The following RHOA variants were observed in gnomAD, a reference collection of about 807,000 sequenced individuals.
The protein encoded by RHOA is ras homolog family member A, also known as transforming protein RhoA.
A neutral mutation model predicts 17.5 loss-of-function variants in RHOA; 3 were observed. That is an observed-to-expected ratio of 0.17 (90% CI 0.08 to 0.44). The LOEUF (loss-of-function observed/expected upper bound fraction) is 0.44, where lower values mean the gene tolerates loss of function less well. Ranked by LOEUF, RHOA falls within the 20% of genes least tolerant of loss-of-function variation. The probability of loss-of-function intolerance (pLI) is 0.99; values close to 1 mark genes in which losing one functional copy is unlikely to be tolerated. For missense variants in RHOA, 56 were observed against 242.3 expected (o/e 0.23, Z 5.10); for synonymous variants, 98 against 88.4 (o/e 1.11, Z -0.61).
In RHOA at chr3:49,405,339, G is replaced by A. The variant is rs534647259; in HGVS notation, c.-3+6481C>T. On this transcript the variant is annotated intron_variant, in intron 1 of 4. Transcript: ENST00000418115. Reference sequence around the variant, plus strand: ...CCAACTAATGGGGAGGCTGAGGCAGGAGAATCACTTGAATCCAGGAGGTGG... The same window carrying A: ...CCAACTAATGGGGAGGCTGAGGCAGAAGAATCACTTGAATCCAGGAGGTGG... Among the ~76,000 whole-genome samples, 9 of 152,096 alleles carry A rather than the reference G, an allele frequency of 5.9e-5. No individual in the cohort carries two copies. In the East Asian group the frequency reaches 1.7e-3, roughly 30 times the overall value.
intron 1 of RHOA, among the ~76,000 whole-genome samples, chr3:49,385,730 C>A (rs1271978334): frequency 6.6e-6 from 1 of 151,982 alleles, no homozygotes; most frequent in Non-Finnish European, 1.5e-5. Context: ...ACACTTTAGG[C>A]CTTTGATTCA....
intron 1 of RHOA, among the ~76,000 whole-genome samples, chr3:49,409,570 G>C (rs1575294772): frequency 1.3e-5 from 2 of 152,066 alleles, no homozygotes; most frequent in East Asian, 3.9e-4. Flanking sequence ...TTTCTTCTCA[G>C]AGTTAACATA....
intron 1 of RHOA, among the ~76,000 whole-genome samples, chr3:49,398,717 G>A (rs955858031): frequency 2.0e-5 from 3 of 150,938 alleles, no homozygotes; most frequent in African/African-American, 7.3e-5. Context: ...GCGGGCACCT[G>A]TAGTCCTAGC....
chr3:49,394,850 T>C (rs1439203527), intron 1 of RHOA, among the ~76,000 whole-genome samples: 1 of 152,098 alleles, frequency 6.6e-6, no homozygotes, highest in Non-Finnish European at 1.5e-5. Context: ...TGGATGGACC[T>C]TGAAGAAGGA....
At chr3:49,360,929 T>C (rs1170880805) in intron 4 of RHOA, 3 of 371,076 alleles carry the variant, frequency 8.1e-6, no homozygotes, top group Non-Finnish European at 1.6e-5. Flanking sequence ...AAAAATCACC[T>C]GGGTGTGGTA....
At chr3:49,382,146 C>T (rs1009923351) in intron 1 of RHOA, among the ~76,000 whole-genome samples, 2 of 151,136 alleles carry the variant, frequency 1.3e-5, no homozygotes, top group Non-Finnish European at 2.9e-5. Context: ...AGTGAAATCC[C>T]GTCTCTACTA....
At chr3:49,396,163 T>G (rs2048612493) in intron 1 of RHOA, among the ~76,000 whole-genome samples, 1 of 152,142 alleles carries the variant, frequency 6.6e-6, no homozygotes, top group African/African-American at 2.4e-5. Flanking sequence ...CACAGGTCTA[T>G]GAGGAGGTGT....
At chr3:49,374,635 T>C (rs763220221) in intron 2 of RHOA, among the ~76,000 whole-genome samples, 9 of 152,168 alleles carry the variant, frequency 5.9e-5, no homozygotes, top group South Asian at 4.1e-4. Context: ...GGCAAAAGAA[T>C]TGCTTGAACC....
At position 49,402,801 on chromosome 3, in the gene RHOA, A is replaced by G. The variant is rs999500393; in HGVS notation, c.-3+9019T>C. The stretch of plus-strand genomic sequence containing the variant: ...ACCTGTAATTCCAGCACTTTGGGAG[A>G]CCGAGGCAGGAGGATCACAAGGTCA... On this transcript the variant is annotated intron_variant, in intron 1 of 4. Coordinates refer to ENST00000418115, the MANE Select transcript of RHOA (RefSeq NM_001664.4). Among the ~76,000 whole-genome samples, 10 of 151,954 alleles carry G rather than the reference A, an allele frequency of 6.6e-5. No individual in the cohort carries two copies. The East Asian group carries it at 1.9e-3, about 30-fold the overall frequency.
chr3:49,402,752 T>C (rs1225733104), intron 1 of RHOA, among the ~76,000 whole-genome samples: 1 of 151,866 alleles, frequency 6.6e-6, no homozygotes, highest in East Asian at 1.9e-4. Context: ...TCTAAAAAAC[T>C]TTAGGCCAGG....
intron 1 of RHOA, among the ~76,000 whole-genome samples, chr3:49,378,500 G>A (rs1344374642): frequency 6.6e-6 from 1 of 152,024 alleles, no homozygotes; most frequent in Non-Finnish European, 1.5e-5. Flanking sequence ...ACTCGCCTCG[G>A]CCTCCCACAG....
At chr3:49,370,552 G>C (rs1399943178) in intron 2 of RHOA, among the ~76,000 whole-genome samples, 1 of 152,228 alleles carries the variant, frequency 6.6e-6, no homozygotes, top group Admixed American at 6.5e-5. Context: ...GGCAAGGCCT[G>C]AGATGACAGG....
At chr3:49,403,371 C>T (rs753652302) in intron 1 of RHOA, among the ~76,000 whole-genome samples, 6 of 152,042 alleles carry the variant, frequency 3.9e-5, no homozygotes, top group Admixed American at 6.6e-5. Context: ...TGAGGAAATG[C>T]TCTTTAACTC....
intron 1 of RHOA, among the ~76,000 whole-genome samples, chr3:49,411,588 A>T (rs1169236889): frequency 6.0e-5 from 9 of 150,778 alleles, no homozygotes; most frequent in Non-Finnish European, 1.0e-4. Context: ...CGGGCGGGGG[A>T]AGGGGCACAG....
chr3:49,383,293 G>A (rs1304833346), intron 1 of RHOA, among the ~76,000 whole-genome samples: 4 of 151,052 alleles, frequency 2.6e-5, no homozygotes, highest in Non-Finnish European at 2.9e-5. Flanking sequence ...GGTGGCAGGC[G>A]CCTGTAGTCC....
intron 3 of RHOA, among the ~76,000 whole-genome samples, chr3:49,363,637 A>G (rs887241993): frequency 2.6e-5 from 4 of 152,018 alleles, no homozygotes; most frequent in East Asian, 1.9e-4. Context: ...GGATCACCAG[A>G]GGTCAGGAGT....
intron 1 of RHOA, among the ~76,000 whole-genome samples, chr3:49,376,305 G>A (rs1017578664): frequency 2.0e-5 from 3 of 152,034 alleles, no homozygotes; most frequent in Admixed American, 1.3e-4. Context: ...AAAACTTTTA[G>A]AATAAACAAG....
intron 1 of RHOA, among the ~76,000 whole-genome samples, chr3:49,380,019 T>C (rs977513989): frequency 6.6e-6 from 1 of 152,208 alleles, no homozygotes; most frequent in Admixed American, 6.5e-5. Flanking sequence ...TTTTTAGCTA[T>C]GTACTTTGTT....
intron 3 of RHOA, among the ~76,000 whole-genome samples, chr3:49,366,269 C>T (rs1359148483): frequency 6.6e-6 from 1 of 152,092 alleles, no homozygotes; most frequent in Non-Finnish European, 1.5e-5. Context: ...GCCTCCAGGG[C>T]CTTCCAGCAG....
Sources: allele counts gnomAD v4.1 joint callset (sites outside exome capture counted in the v4.1 genomes callset), GRCh38; gene constraint gnomAD v4.1.1; transcripts MANE v1.5; gene names NCBI Gene and HGNC (gene_info 2026-07-23, HGNC 2026-07-21).